The following OXR1 variants were observed in gnomAD, a reference collection of about 807,000 sequenced individuals.
OXR1 encodes the protein oxidation resistance 1, also known as oxidation resistance protein 1.
A neutral mutation model predicts 104.6 loss-of-function variants in OXR1; 41 were observed. The observed-to-expected ratio is 0.39, with a 90% CI of 0.31 to 0.51. OXR1 has a LOEUF of 0.51. Ranked by LOEUF, OXR1 falls within the 20% of genes least tolerant of loss-of-function variation. The pLI is 0.77. For missense variants in OXR1, 955 were observed against 1,031.9 expected (o/e 0.93, Z 1.02); for synonymous variants, 348 against 348.4 (o/e 1.00, Z 0.01).
At chr8:106,726,185 A>G in intron 11 of OXR1, 1 of 1,493,544 alleles carries the variant, frequency 6.7e-7, no homozygotes, top group Non-Finnish European at 8.9e-7. Flanking sequence ...CAGAGGAAGA[A>G]TGCTTTTGAA....
At chr8:106,366,160 T>A (rs1816460934) in intron 2 of OXR1, among the ~76,000 whole-genome samples, 2 of 152,250 alleles carry the variant, frequency 1.3e-5, no homozygotes, top group Admixed American at 6.5e-5. Flanking sequence ...CTTTAGGGGT[T>A]GATAATGGGT....
At chr8:106,737,177 G>A (rs1459993645) in intron 11 of OXR1, among the ~76,000 whole-genome samples, 2 of 152,056 alleles carry the variant, frequency 1.3e-5, no homozygotes, top group Non-Finnish European at 2.9e-5. Flanking sequence ...AGACCGTTTA[G>A]TTTTCAGACG....
chr8:106,448,763 A>T (rs1451191619), intron 2 of OXR1, among the ~76,000 whole-genome samples: 2 of 152,194 alleles, frequency 1.3e-5, no homozygotes, highest in African/African-American at 4.8e-5. Flanking sequence ...ATCAGTTAAA[A>T]CAAAAGTGCA....
intron 3 of OXR1, among the ~76,000 whole-genome samples, chr8:106,593,670 G>A (rs533406267): frequency 1.3e-5 from 2 of 152,248 alleles, no homozygotes; most frequent in East Asian, 1.9e-4. Flanking sequence ...CCAGCTACTC[G>A]GGAGGCTGAG....
At chr8:106,749,775 C>T (rs1397224325) in intron 16 of OXR1, among the ~76,000 whole-genome samples, 1 of 152,038 alleles carries the variant, frequency 6.6e-6, no homozygotes, top group Non-Finnish European at 1.5e-5. Flanking sequence ...GTCTTTGCCC[C>T]CTCTCCTCTT....
At chr8:106,505,131 T>A (rs1812072461) in intron 2 of OXR1, among the ~76,000 whole-genome samples, 1 of 152,248 alleles carries the variant, frequency 6.6e-6, no homozygotes, top group Admixed American at 6.5e-5. Context: ...TTAGGAATGC[T>A]GTGGTTTTCT....
At chr8:106,627,089 A>G (rs569893845) in intron 3 of OXR1, among the ~76,000 whole-genome samples, 1 of 152,276 alleles carries the variant, frequency 6.6e-6, no homozygotes, top group East Asian at 1.9e-4. Flanking sequence ...AAAAAAGTAC[A>G]TTCTATTAAG....
chr8:106,334,075 CA>C (rs1227353096), intron 1 of OXR1, among the ~76,000 whole-genome samples: 4 of 152,182 alleles, frequency 2.6e-5, no homozygotes, highest in Non-Finnish European at 5.9e-5. Context: ...ATCTTCACAA[CA>C]TTAATTCTTC....
At chr8:106,738,378 G>A (rs1288967597) in intron 12 of OXR1, among the ~76,000 whole-genome samples, 1 of 151,882 alleles carries the variant, frequency 6.6e-6, no homozygotes, top group Admixed American at 6.6e-5. Context: ...GAAAGAATGA[G>A]TATTTAGCTT....
intron 3 of OXR1, among the ~76,000 whole-genome samples, chr8:106,591,420 T>A (rs1034279789): frequency 3.6e-4 from 51 of 143,128 alleles, no homozygotes; most frequent in African/African-American, 1.4e-3. Flanking sequence ...GTTGTGCACA[T>A]GTACCCTAAA....
At chr8:106,382,723 G>T (rs1817205238) in intron 2 of OXR1, among the ~76,000 whole-genome samples, 1 of 128,858 alleles carries the variant, frequency 7.8e-6, no homozygotes, top group Non-Finnish European at 1.6e-5. Context: ...AGAGAGAGAA[G>T]TTAGGGGGAC....
chr8:106,476,404 A>G (rs1397923518), intron 2 of OXR1, among the ~76,000 whole-genome samples: 3 of 151,946 alleles, frequency 2.0e-5, no homozygotes, highest in African/African-American at 7.2e-5. Context: ...TGTGCAGCCA[A>G]AAGACTGGTA....
chr8:106,571,160 T>C (rs1032210227), intron 3 of OXR1, among the ~76,000 whole-genome samples: 1 of 151,490 alleles, frequency 6.6e-6, no homozygotes, highest in East Asian at 2.0e-4. Flanking sequence ...AATGGAAACA[T>C]TGGGTTTTAC....
Position 106,469,030 on chromosome 8 carries a change from GTTGT to G in OXR1, c.24-49911_24-49908del, listed in dbSNP as rs200261289. Among the ~76,000 whole-genome samples, 38 of 143,430 alleles carry G rather than the reference GTTGT, an allele frequency of 2.6e-4. No individual in the cohort carries two copies. In the East Asian group the frequency reaches 7.4e-3, roughly 28 times the overall value. The allele number at this position is 143,430 out of a possible 152,430, so 94.1% of individuals were successfully genotyped here. On this transcript the variant is annotated intron_variant, in intron 2 of 16. Transcript: ENST00000517566. The stretch of plus-strand genomic sequence containing the variant: ...TTTGTGTGTTGTTGTTGTTGTTGTT[GTTGT>G]TGTGTGTGTGTGTAGTATATGTATA...
intron 7 of OXR1, chr8:106,697,827 TAAC>T: frequency 6.2e-7 from 1 of 1,612,224 alleles, no homozygotes; most frequent in Non-Finnish European, 8.5e-7. Context: ...TGAGCTCACA[TAAC>T]ACCGTGCCAT....
intron 2 of OXR1, among the ~76,000 whole-genome samples, chr8:106,474,128 GTT>G (rs1196447950): frequency 7.3e-6 from 1 of 136,892 alleles, no homozygotes. Context: ...CTAAAGTTTT[GTT>G]TTTTTTTTTA....
chr8:106,463,758 G>A (rs1821030532), intron 2 of OXR1, among the ~76,000 whole-genome samples: 1 of 152,100 alleles, frequency 6.6e-6, no homozygotes, highest in African/African-American at 2.4e-5. Flanking sequence ...GGGATTGTAA[G>A]AGCAGCAGCA....
chr8:106,616,365 A>C (rs1821243554), intron 3 of OXR1, among the ~76,000 whole-genome samples: 1 of 150,846 alleles, frequency 6.6e-6, no homozygotes, highest in African/African-American at 2.4e-5. Context: ...CCAGCCAAAC[A>C]CCTTCTTATA....
At chr8:106,550,555 A>T (rs1485418119) in intron 3 of OXR1, among the ~76,000 whole-genome samples, 1 of 152,114 alleles carries the variant, frequency 6.6e-6, no homozygotes, top group African/African-American at 2.4e-5. Context: ...GGGAGGGATG[A>T]GGTGGGAGGT....
Sources: gnomAD v4.1 joint callset for allele counts (sites outside exome capture counted in the v4.1 genomes callset) on GRCh38, gnomAD v4.1.1 for gene constraint, MANE v1.5 for transcripts, NCBI Gene and HGNC (gene_info 2026-07-23, HGNC 2026-07-21) for gene names.